MAF: variants seen among roughly 807,000 people sequenced by gnomAD.
MAF encodes transcription factor Maf.
Under a neutral mutation model 22.0 loss-of-function variants are expected in MAF, and 10 were observed. The ratio of observed to expected loss-of-function variants is 0.45; its 90% CI spans 0.28 to 0.77. MAF has a LOEUF of 0.77. MAF is among the 30% of genes least tolerant of loss of function. MAF has a pLI of 0.12. For synonymous variants in MAF, 337 were observed against 255.8 expected (o/e 1.32, Z -3.03); for missense variants, 544 against 548.4 (o/e 0.99, Z 0.08).
At chr16:79,520,567 T>C in the MAF span, among the ~76,000 whole-genome samples, 1 of 152,180 alleles carries the variant, frequency 6.6e-6, no homozygotes, top group Non-Finnish European at 1.5e-5. Flanking sequence ...TGGCTTCTCT[T>C]ATTTACTGTC....
chr16:79,349,452 A>C, the MAF span, among the ~76,000 whole-genome samples: 8 of 152,206 alleles, frequency 5.3e-5, no homozygotes, highest in African/African-American at 1.9e-4. Context: ...TCTCTTGTAC[A>C]TCCTATCAGG....
chr16:79,216,950 C>A, the MAF span, among the ~76,000 whole-genome samples: 1 of 152,080 alleles, frequency 6.6e-6, no homozygotes, highest in Non-Finnish European at 1.5e-5. Context: ...GCTGGAATTA[C>A]AGGCACCCGC....
the MAF span, among the ~76,000 whole-genome samples, chr16:79,410,427 A>T: frequency 6.6e-6 from 1 of 152,234 alleles, no homozygotes; most frequent in Admixed American, 6.5e-5. Context: ...ACACACTCCA[A>T]ATTTCTATGA....
the MAF span, among the ~76,000 whole-genome samples, chr16:79,228,512 G>A: frequency 4.6e-5 from 7 of 152,000 alleles, no homozygotes; most frequent in Non-Finnish European, 8.8e-5. Flanking sequence ...AAATTGGCCT[G>A]GATCCATTTC....
the MAF span, among the ~76,000 whole-genome samples, chr16:79,421,804 G>A: frequency 6.6e-6 from 1 of 151,740 alleles, no homozygotes; most frequent in Non-Finnish European, 1.5e-5. Flanking sequence ...TTGAGACAGA[G>A]TCTTGCTCTA....
At chr16:79,265,510 G>A in the MAF span, among the ~76,000 whole-genome samples, 20 of 65,666 alleles carry the variant, frequency 3.0e-4, 2 homozygotes, top group South Asian at 8.1e-3. Context: ...CAGTGGACCC[G>A]ATACCACAGA....
At chr16:79,409,124 C>T in the MAF span, among the ~76,000 whole-genome samples, 1 of 152,012 alleles carries the variant, frequency 6.6e-6, no homozygotes, top group Non-Finnish European at 1.5e-5. Context: ...AAAAGGTGTC[C>T]AGGTTCTCCT....
At chr16:79,487,147 C>G in the MAF span, among the ~76,000 whole-genome samples, 1 of 150,232 alleles carries the variant, frequency 6.7e-6, no homozygotes, top group Non-Finnish European at 1.5e-5. Context: ...AGGACCCATT[C>G]AGTTATAGAA....
At chr16:79,419,465 T>C in the MAF span, among the ~76,000 whole-genome samples, 99 of 152,368 alleles carry the variant, frequency 6.5e-4, no homozygotes, top group Admixed American at 1.4e-3. Flanking sequence ...TCAGTCGCCT[T>C]ACAGTTTCCA....
the MAF span, among the ~76,000 whole-genome samples, chr16:79,546,814 C>A: frequency 1.3e-5 from 2 of 152,102 alleles, no homozygotes; most frequent in Non-Finnish European, 2.9e-5. Flanking sequence ...AACCCAACAA[C>A]TGACCAATTA....
At chr16:79,389,569 G>T in the MAF span, among the ~76,000 whole-genome samples, 1 of 151,918 alleles carries the variant, frequency 6.6e-6, no homozygotes, top group Non-Finnish European at 1.5e-5. Flanking sequence ...GCTAAAGATT[G>T]CTCTTCTTTT....
the MAF span, among the ~76,000 whole-genome samples, chr16:79,438,642 G>C: frequency 6.6e-6 from 1 of 152,212 alleles, no homozygotes; most frequent in South Asian, 2.1e-4. Context: ...AGAGAGGGCG[G>C]ATCAGTTTTC....
At chr16:79,287,958 T>A in the MAF span, among the ~76,000 whole-genome samples, 1 of 152,224 alleles carries the variant, frequency 6.6e-6, no homozygotes, top group Admixed American at 6.5e-5. Flanking sequence ...ACCCATTATG[T>A]GCCAAACAAC....
chr16:79,446,595 G>T, the MAF span, among the ~76,000 whole-genome samples: 2 of 152,110 alleles, frequency 1.3e-5, no homozygotes, highest in African/African-American at 4.8e-5. Flanking sequence ...TTGAAGGCAC[G>T]TCTCACTTCC....
the MAF span, among the ~76,000 whole-genome samples, chr16:79,271,097 G>A: frequency 9.9e-6 from 1 of 101,370 alleles, no homozygotes; most frequent in Non-Finnish European, 2.0e-5. Context: ...TTTATTTTTA[G>A]TAGAGACGGG....
chr16:79,359,705 T>C, the MAF span, among the ~76,000 whole-genome samples: 2 of 152,180 alleles, frequency 1.3e-5, no homozygotes, highest in South Asian at 4.1e-4. Context: ...AGCCAAGAGC[T>C]TGGGGGTCAA....
chr16:79,404,121 G>A, the MAF span, among the ~76,000 whole-genome samples: 10 of 150,800 alleles, frequency 6.6e-5, no homozygotes, highest in South Asian at 4.2e-4. Flanking sequence ...GAAGATGTCC[G>A]ATTTGTAGGA....
chr16:79,402,988 G>C, the MAF span, among the ~76,000 whole-genome samples: 1 of 152,284 alleles, frequency 6.6e-6, no homozygotes, highest in Admixed American at 6.5e-5. Context: ...TTCTGGCATG[G>C]AGAGGGGCTG....
At chr16:79,279,914 G>C in the MAF span, among the ~76,000 whole-genome samples, 1 of 152,160 alleles carries the variant, frequency 6.6e-6, no homozygotes, top group Non-Finnish European at 1.5e-5. Context: ...ACACTGATTT[G>C]GAAAATGTTA....
Sources: allele counts gnomAD v4.1 joint callset (sites outside exome capture counted in the v4.1 genomes callset), GRCh38; gene constraint gnomAD v4.1.1; transcripts MANE v1.5; gene names NCBI Gene and HGNC (gene_info 2026-07-23, HGNC 2026-07-21).